Variants in SORCS3 observed in about 807,000 individuals in gnomAD.
SORCS3 encodes the protein VPS10 domain-containing receptor SorCS3.
Under a neutral mutation model 146.3 loss-of-function variants are expected in SORCS3, and 57 were observed. The ratio of observed to expected loss-of-function variants is 0.39; its 90% CI spans 0.31 to 0.49. The LOEUF is 0.49. Ranked by LOEUF, SORCS3 falls within the 20% of genes least tolerant of loss-of-function variation. The pLI, the probability that SORCS3 is intolerant of heterozygous loss-of-function variation, is 0.92. For missense variants in SORCS3, 1,341 were observed against 1,575.5 expected, an observed-to-expected ratio of 0.85 and a Z score of 2.52; for synonymous variants, 653 against 618.5, an observed-to-expected ratio of 1.06 and a Z score of -0.83.
In SORCS3 at chr10:104,641,988, T is replaced by A. The variant is rs1318276092; in HGVS notation, c.627+34T>A. ...CCACCCGGCGGCGGGTCCGCCTGTT[T>A]CCTGACACCGAAGGGGAATGGGGGG... On this transcript the variant is annotated intron_variant, in intron 1 of 26. Transcript: ENST00000369701. The surrounding 1 kb of genome is among the most constrained non-coding windows in gnomAD (Gnocchi z 6.4). 1.3e-5 allele frequency: 6 copies of A among 471,410 alleles called. No individual in the cohort carries two copies. Among genetic ancestry groups the A allele is most frequent in the Non-Finnish European group, 3.6e-6 (1 of 280,882 alleles). The allele number at this position is 471,410 out of a possible 1,614,324, so 29.2% of individuals were successfully genotyped here.
chr10:105,167,546 A>T (rs964277016), intron 13 of SORCS3, among the ~76,000 whole-genome samples, 197 bp downstream of exon 13: 2 of 152,068 alleles, frequency 1.3e-5, no homozygotes, highest in Non-Finnish European at 2.9e-5. Context: ...TCAGATGGGG[A>T]GGTGTAATGA....
chr10:104,801,573 A>C (rs997202215), intron 1 of SORCS3, among the ~76,000 whole-genome samples: 1 of 152,200 alleles, frequency 6.6e-6, no homozygotes, highest in Non-Finnish European at 1.5e-5. Context: ...GAACATAGTG[A>C]GGACTGAATG....
chr10:104,683,010 C>G (rs2015997863), intron 1 of SORCS3, among the ~76,000 whole-genome samples: 1 of 152,190 alleles, frequency 6.6e-6, no homozygotes. Flanking sequence ...AGCCAGTACT[C>G]TGGGATCTCT....
At chr10:104,902,292 G>A (rs537779253) in intron 2 of SORCS3, among the ~76,000 whole-genome samples, 39 of 152,298 alleles carry the variant, frequency 2.6e-4, no homozygotes, top group African/African-American at 7.9e-4. Flanking sequence ...GCTCCTGTCA[G>A]CACCTTCACT....
At chr10:105,241,250 G>A (rs2056821216) in intron 20 of SORCS3, among the ~76,000 whole-genome samples, 1 of 152,278 alleles carries the variant, frequency 6.6e-6, no homozygotes, top group Non-Finnish European at 1.5e-5. Context: ...GCTTGTGGGA[G>A]GGAGCATGTG....
intron 2 of SORCS3, among the ~76,000 whole-genome samples, chr10:104,850,492 G>A (rs1455574809): frequency 1.3e-5 from 2 of 152,218 alleles, no homozygotes; most frequent in African/African-American, 2.4e-5. Flanking sequence ...ACTGAGGCGG[G>A]AGGATCTCTT....
intron 14 of SORCS3, among the ~76,000 whole-genome samples, chr10:105,196,986 G>A (rs533790174): frequency 1.4e-3 from 206 of 152,266 alleles, no homozygotes; most frequent in Non-Finnish European, 2.1e-3. Flanking sequence ...AGTTCCAGGT[G>A]TTCTTTGGCT....
intron 4 of SORCS3, among the ~76,000 whole-genome samples, chr10:105,013,082 A>G (rs2055144397): frequency 1.3e-5 from 2 of 152,212 alleles, no homozygotes; most frequent in South Asian, 2.1e-4. Flanking sequence ...GGAATTTAGT[A>G]TACTAAAGGT....
chr10:105,228,227 G>A (rs1030317348), intron 20 of SORCS3, among the ~76,000 whole-genome samples: 3 of 151,462 alleles, frequency 2.0e-5, no homozygotes, highest in African/African-American at 4.9e-5. Context: ...GTTCTTCATA[G>A]TGATAACATT....
chr10:105,237,115 A>C (rs757660424), intron 20 of SORCS3, among the ~76,000 whole-genome samples: 1 of 152,192 alleles, frequency 6.6e-6, no homozygotes, highest in African/African-American at 2.4e-5. Context: ...ACAAATACCC[A>C]GGTCCCAAAG....
intron 1 of SORCS3, among the ~76,000 whole-genome samples, chr10:104,719,465 C>T (rs920912087): frequency 2.0e-5 from 3 of 152,318 alleles, no homozygotes; most frequent in South Asian, 4.1e-4. Flanking sequence ...AATTCCTCGA[C>T]TTCTGTATTC....
At chr10:105,043,883 T>G (rs1478085198) in intron 5 of SORCS3, among the ~76,000 whole-genome samples, 1 of 152,226 alleles carries the variant, frequency 6.6e-6, no homozygotes, top group Non-Finnish European at 1.5e-5. Context: ...TATTCCTTTA[T>G]GCATGCATAC....
rs1004876423 is a variant in SORCS3 at position 105,043,112 on chromosome 10, C to T, written c.1012C>T (p.Pro338Ser). Residue 338 changes from proline (P) to serine (S), a missense_variant, in exon 5 of 27, where the codon CCC becomes TCC. Coordinates refer to ENST00000369701, the MANE Select transcript of SORCS3 (RefSeq NM_014978.3). Reference sequence around the variant, plus strand: ...GCAACTCATGCATGAACGCATCACACCCAACAGGTTTTATTGGTAAGCCCT... The same window carrying T: ...GCAACTCATGCATGAACGCATCACATCCAACAGGTTTTATTGGTAAGCCCT... ...RWQLMHERIT[P>S]NRFYWSVAGL... is the part of the protein sequence containing the mutation. The T allele has an allele frequency of 1.9e-6, 3 of 1,613,684 alleles. No homozygotes were observed. The highest frequency in any genetic ancestry group is 3.3e-5 in the Admixed American group (2 of 60,000).
intron 1 of SORCS3, among the ~76,000 whole-genome samples, chr10:104,774,724 A>G (rs116240793): frequency 6.6e-6 from 1 of 152,304 alleles, no homozygotes; most frequent in African/African-American, 2.4e-5. Context: ...TCATGGAGTG[A>G]TCAGTGTGGA....
chr10:105,050,803 A>G (rs1201366179), intron 5 of SORCS3, among the ~76,000 whole-genome samples: 4 of 152,278 alleles, frequency 2.6e-5, no homozygotes, highest in Non-Finnish European at 5.9e-5. Flanking sequence ...ATTTTATAAC[A>G]TAATGTTCTA....
At chr10:104,927,062 A>C (rs578061241) in intron 3 of SORCS3, among the ~76,000 whole-genome samples, 75 of 152,298 alleles carry the variant, frequency 4.9e-4, no homozygotes, top group African/African-American at 1.7e-3. Flanking sequence ...TGTTTGCTCA[A>C]TATCTTTTAA....
intron 7 of SORCS3, among the ~76,000 whole-genome samples, chr10:105,123,578 A>G (rs2055951245): frequency 6.6e-6 from 1 of 152,206 alleles, no homozygotes; most frequent in South Asian, 2.1e-4. Flanking sequence ...AGATTATGCT[A>G]TATATAAGAA....
intron 1 of SORCS3, among the ~76,000 whole-genome samples, chr10:104,789,910 C>A (rs954800493): frequency 6.6e-6 from 1 of 152,152 alleles, no homozygotes; most frequent in African/African-American, 2.4e-5. Flanking sequence ...CAGTGTGCAA[C>A]TTTGTTGGAT....
chr10:105,259,903 CCT>C (rs1332110305), intron 25 of SORCS3, among the ~76,000 whole-genome samples: 2 of 152,090 alleles, frequency 1.3e-5, no homozygotes, highest in African/African-American at 4.8e-5. Flanking sequence ...CTTATTTAAA[CCT>C]GTATGAATGT....
Sources: allele counts gnomAD v4.1 joint callset (sites outside exome capture counted in the v4.1 genomes callset), GRCh38; gene constraint gnomAD v4.1.1; non-coding constraint Gnocchi (gnomAD v3.1); transcripts MANE v1.5; gene names NCBI Gene and HGNC (gene_info 2026-07-23, HGNC 2026-07-21).